LRP1B: variants seen among roughly 807,000 people sequenced by gnomAD.
LRP1B encodes low-density lipoprotein receptor-related protein 1B.
LRP1B carries 217 observed loss-of-function variants against 556.6 expected under a neutral mutation model. That is an observed-to-expected ratio of 0.39 (90% CI 0.35 to 0.44). LRP1B has a LOEUF of 0.44. Among genes scored for constraint, LRP1B ranks in the 20% least tolerant of loss-of-function variants. LRP1B has a pLI of 1.00. For synonymous variants in LRP1B, 2,047 were observed against 1,865.8 expected (o/e 1.10, Z -2.50); for missense variants, 5,053 against 5,620.8 (o/e 0.90, Z 3.23).
intron 11 of LRP1B, among the ~76,000 whole-genome samples, chr2:141,030,902 G>A (rs1019038344): frequency 1.3e-5 from 2 of 151,794 alleles, no homozygotes; most frequent in African/African-American, 4.8e-5. Context: ...TTTGAGGGAG[G>A]CAAAAAGTAT....
intron 7 of LRP1B, among the ~76,000 whole-genome samples, chr2:141,147,745 C>A (rs984750303): frequency 2.6e-5 from 4 of 152,076 alleles, no homozygotes; most frequent in African/African-American, 9.7e-5. Context: ...GTCAAATGAG[C>A]AAATGGAGAT....
Position 140,532,929 on chromosome 2 carries a change from G to GATATAT in LRP1B, c.7762+1086_7762+1091dup, listed in dbSNP as rs539867412. Among the ~76,000 whole-genome samples the GATATAT allele has an allele frequency of 7.9e-5, 4 of 50,410 alleles. No individual in the cohort carries two copies. In the South Asian group the frequency reaches 2.6e-3, roughly 33 times the overall value. The allele number at this position is 50,410 out of a possible 152,430, so 33.1% of individuals were successfully genotyped here. A position where few individuals can be genotyped will look rare whatever the true frequency, so the allele number is the denominator to read the frequency against. ...TCTTACGTGTGCAATCACAGCACAA[G>GATATAT]ATATATATATATATATATACACATA... On this transcript the variant is annotated intron_variant, in intron 47 of 90. Coordinates refer to ENST00000389484, the MANE Select transcript of LRP1B (RefSeq NM_018557.3).
At chr2:140,626,765 C>G (rs1683678265) in intron 41 of LRP1B, among the ~76,000 whole-genome samples, 1 of 145,074 alleles carries the variant, frequency 6.9e-6, no homozygotes, top group African/African-American at 2.5e-5. Flanking sequence ...AAAATATATC[C>G]AAAATATTCA....
At chr2:140,774,955 G>T (rs867986537) in intron 33 of LRP1B, among the ~76,000 whole-genome samples, 1 of 152,006 alleles carries the variant, frequency 6.6e-6, no homozygotes, top group South Asian at 2.1e-4. Context: ...ATTCTCTTGG[G>T]TGCACATACG....
At chr2:140,674,784 A>G (rs1018849642) in intron 41 of LRP1B, among the ~76,000 whole-genome samples, 1 of 152,226 alleles carries the variant, frequency 6.6e-6, no homozygotes, top group African/African-American at 2.4e-5. Flanking sequence ...GAGGTTAAAT[A>G]TTTTGAATAG....
chr2:141,451,933 T>C (rs1169418274), intron 3 of LRP1B, among the ~76,000 whole-genome samples: 1 of 152,182 alleles, frequency 6.6e-6, no homozygotes, highest in African/African-American at 2.4e-5. Flanking sequence ...AGTGACCCTG[T>C]TGGATATGTT....
chr2:140,688,060 C>G (rs1350940424), intron 41 of LRP1B, among the ~76,000 whole-genome samples: 1 of 152,034 alleles, frequency 6.6e-6, no homozygotes, highest in Non-Finnish European at 1.5e-5. Flanking sequence ...TGCTTCTAAT[C>G]CTACATCATG....
At chr2:141,079,175 A>T (rs907004504) in intron 7 of LRP1B, among the ~76,000 whole-genome samples, 3 of 152,178 alleles carry the variant, frequency 2.0e-5, no homozygotes, top group Admixed American at 2.0e-4. Context: ...CAAAACAAAC[A>T]AACAAACAAA....
At chr2:141,606,842 C>A (rs540005563) in intron 2 of LRP1B, among the ~76,000 whole-genome samples, 3 of 152,276 alleles carry the variant, frequency 2.0e-5, no homozygotes, top group Admixed American at 6.5e-5. Flanking sequence ...TATTCTATTA[C>A]GGCAGTCCTA....
intron 31 of LRP1B, among the ~76,000 whole-genome samples, chr2:140,830,827 C>T (rs1691688823): frequency 6.6e-6 from 1 of 151,920 alleles, no homozygotes; most frequent in Admixed American, 6.6e-5. Context: ...AAGTCCCCAC[C>T]AAAAATCTAT....
intron 3 of LRP1B, among the ~76,000 whole-genome samples, chr2:141,372,513 C>T (rs938233995): frequency 1.3e-5 from 2 of 151,888 alleles, no homozygotes; most frequent in South Asian, 2.1e-4. Flanking sequence ...CTGGTCCTGG[C>T]GTTTTTTAGG....
chr2:141,748,284 G>A (rs971918876), intron 2 of LRP1B, among the ~76,000 whole-genome samples: 13 of 152,142 alleles, frequency 8.5e-5, no homozygotes, highest in East Asian at 7.7e-4. Flanking sequence ...TTTTTGTGAT[G>A]ATTAGAAATC....
intron 2 of LRP1B, among the ~76,000 whole-genome samples, chr2:141,490,047 C>G (rs1328644357): frequency 6.6e-6 from 1 of 152,080 alleles, no homozygotes; most frequent in Non-Finnish European, 1.5e-5. Flanking sequence ...GCTGCAGTAC[C>G]CTTTAGCCAT....
chr2:141,536,327 A>T (rs1685068554), intron 2 of LRP1B, among the ~76,000 whole-genome samples: 1 of 152,066 alleles, frequency 6.6e-6, no homozygotes, highest in Admixed American at 6.6e-5. Flanking sequence ...TCTGAAATTA[A>T]TTCAGTAGCT....
intron 7 of LRP1B, among the ~76,000 whole-genome samples, chr2:141,184,497 T>A (rs924415630): frequency 1.3e-5 from 2 of 151,914 alleles, no homozygotes; most frequent in Non-Finnish European, 2.9e-5. Flanking sequence ...GAGAAGAAAC[T>A]GAACGCACAG....
intron 2 of LRP1B, among the ~76,000 whole-genome samples, chr2:141,751,487 A>G (rs1378174904): frequency 1.3e-5 from 2 of 152,174 alleles, no homozygotes; most frequent in African/African-American, 4.8e-5. Flanking sequence ...AGGAAGGCAT[A>G]TAGAATATCT....
At chr2:140,724,933 A>C (rs1406652821) in intron 35 of LRP1B, among the ~76,000 whole-genome samples, 1 of 152,178 alleles carries the variant, frequency 6.6e-6, no homozygotes, top group Non-Finnish European at 1.5e-5. Flanking sequence ...TCAGAAATAT[A>C]AGCATTCTTC....
chr2:142,040,458 C>A (rs1273926311), intron 1 of LRP1B, among the ~76,000 whole-genome samples: 3 of 151,166 alleles, frequency 2.0e-5, no homozygotes, highest in Non-Finnish European at 4.4e-5. Flanking sequence ...TTTTTTAGTT[C>A]AATTTCCTCA....
At chr2:141,667,301 T>C (rs908510541) in intron 2 of LRP1B, among the ~76,000 whole-genome samples, 2 of 152,168 alleles carry the variant, frequency 1.3e-5, no homozygotes, top group African/African-American at 4.8e-5. Context: ...TCAATTAGGA[T>C]TTCCCCCATA....
Sources: gnomAD v4.1 joint callset for allele counts (sites outside exome capture counted in the v4.1 genomes callset) on GRCh38, gnomAD v4.1.1 for gene constraint, MANE v1.5 for transcripts, NCBI Gene and HGNC (gene_info 2026-07-23, HGNC 2026-07-21) for gene names.